CNTNAP5: variants seen among roughly 807,000 people sequenced by gnomAD.
CNTNAP5 encodes the protein contactin-associated protein-like 5.
In CNTNAP5, 72 loss-of-function variants were observed where a neutral mutation model predicts 150.2. The ratio of observed to expected loss-of-function variants is 0.48; its 90% CI spans 0.40 to 0.58. The LOEUF (loss-of-function observed/expected upper bound fraction) is 0.58, where lower values mean the gene tolerates loss of function less well. Among genes scored for constraint, CNTNAP5 ranks in the 20% least tolerant of loss-of-function variants. The probability of loss-of-function intolerance (pLI) is 0.00; values close to 1 mark genes in which losing one functional copy is unlikely to be tolerated. For synonymous variants in CNTNAP5, 672 were observed against 619.8 expected (o/e 1.08, Z -1.25); for missense variants, 1,636 against 1,626.2 (o/e 1.01, Z -0.10).
intron 6 of CNTNAP5, among the ~76,000 whole-genome samples, chr2:124,472,259 C>T (rs1177093711): frequency 6.6e-6 from 1 of 151,730 alleles, no homozygotes; most frequent in East Asian, 1.9e-4. Context: ...TTGAAATAAT[C>T]GTGAATAAAA....
At chr2:124,483,806 T>C (rs184962415) in intron 7 of CNTNAP5, among the ~76,000 whole-genome samples, 1 of 152,342 alleles carries the variant, frequency 6.6e-6, no homozygotes, top group East Asian at 1.9e-4. Flanking sequence ...CTCTCAGAAA[T>C]TACACACCTG....
At chr2:124,169,342 T>A (rs1405811599) in intron 1 of CNTNAP5, among the ~76,000 whole-genome samples, 2 of 152,100 alleles carry the variant, frequency 1.3e-5, no homozygotes, top group African/African-American at 4.8e-5. Context: ...AAAGGACAAA[T>A]GGACAAAAGC....
intron 8 of CNTNAP5, among the ~76,000 whole-genome samples, chr2:124,516,858 TAGAGAGAA>T (rs151166746): frequency 0.035 from 5,373 of 152,274 alleles, 208 homozygotes; most frequent in Admixed American, 0.089. Flanking sequence ...TTGGTGGGGT[TAGAGAGAA>T]AGAGAGAAAG....
chr2:124,563,955 T>C (rs879604572), intron 11 of CNTNAP5, among the ~76,000 whole-genome samples: 6 of 152,134 alleles, frequency 3.9e-5, no homozygotes, highest in African/African-American at 9.7e-5. Flanking sequence ...CCAACCTCAA[T>C]AGGGGCTGAA....
At chr2:124,850,243 T>C (rs1404723974) in intron 19 of CNTNAP5, among the ~76,000 whole-genome samples, 2 of 152,188 alleles carry the variant, frequency 1.3e-5, no homozygotes, top group Non-Finnish European at 2.9e-5. Flanking sequence ...AGGATTTTAT[T>C]TATTTGTAAA....
chr2:124,465,189 T>C (rs1287048261), intron 6 of CNTNAP5, among the ~76,000 whole-genome samples: 2 of 152,188 alleles, frequency 1.3e-5, no homozygotes, highest in African/African-American at 4.8e-5. Flanking sequence ...AAGAGAGTGG[T>C]AGATTCTGGG....
intron 11 of CNTNAP5, among the ~76,000 whole-genome samples, chr2:124,588,344 C>T (rs925955108): frequency 6.6e-6 from 1 of 151,696 alleles, no homozygotes; most frequent in Non-Finnish European, 1.5e-5. Flanking sequence ...CTTCCAGATC[C>T]CTATCCCCAG....
At chr2:124,331,263 C>T (rs574398152) in intron 3 of CNTNAP5, among the ~76,000 whole-genome samples, 4 of 152,062 alleles carry the variant, frequency 2.6e-5, no homozygotes, top group East Asian at 3.9e-4. Context: ...ATAATAATGT[C>T]GCAAATGACA....
chr2:124,812,229 A>C (rs1238830762), intron 19 of CNTNAP5, among the ~76,000 whole-genome samples: 2 of 141,610 alleles, frequency 1.4e-5, no homozygotes, highest in Non-Finnish European at 3.0e-5. Flanking sequence ...ATGGTAAAGC[A>C]CATTTTATTT....
chr2:124,285,587 G>A (rs1287618963), intron 3 of CNTNAP5, among the ~76,000 whole-genome samples: 1 of 151,938 alleles, frequency 6.6e-6, no homozygotes, highest in Non-Finnish European at 1.5e-5. Flanking sequence ...CTAGCTTGAG[G>A]CTAAGGGTTC....
chr2:124,495,698 T>C (rs951966274), intron 7 of CNTNAP5, among the ~76,000 whole-genome samples: 6 of 152,258 alleles, frequency 3.9e-5, no homozygotes, highest in African/African-American at 1.4e-4. Context: ...GAATGTTGCC[T>C]GTCCATAGTA....
chr2:124,471,683 T>C (rs1693518920), intron 6 of CNTNAP5, among the ~76,000 whole-genome samples: 1 of 152,170 alleles, frequency 6.6e-6, no homozygotes, highest in African/African-American at 2.4e-5. Context: ...CCATTCAGTA[T>C]GCTATTGGCT....
rs190418748 is a variant in CNTNAP5 at position 124,534,129 on chromosome 2, T to A, written c.1649+6673T>A. Among the ~76,000 whole-genome samples the A allele has an allele frequency of 2.0e-5, 3 of 152,196 alleles. No homozygotes were observed. The East Asian group carries it at 5.8e-4, about 29-fold the overall frequency. On this transcript the variant is annotated intron_variant, in intron 10 of 23. Coordinates refer to ENST00000682447, the MANE Select transcript of CNTNAP5 (RefSeq NM_001367498.1). ...AGCTAGATAACATGGACATACAGAC[T>A]TAGAGAGTGTGGAATGATAGGCCAT...
At chr2:124,846,775 G>A (rs1473453839) in intron 19 of CNTNAP5, among the ~76,000 whole-genome samples, 1 of 152,232 alleles carries the variant, frequency 6.6e-6, no homozygotes, top group Non-Finnish European at 1.5e-5. Flanking sequence ...CCTTTGATGG[G>A]GTGTTCTCCC....
chr2:124,336,026 C>G (rs1333592593), intron 3 of CNTNAP5, among the ~76,000 whole-genome samples: 1 of 151,864 alleles, frequency 6.6e-6, no homozygotes, highest in Non-Finnish European at 1.5e-5. Flanking sequence ...TAAATAACTC[C>G]CTCCTTATAG....
intron 2 of CNTNAP5, among the ~76,000 whole-genome samples, chr2:124,237,399 T>C (rs1686777196): frequency 6.6e-6 from 1 of 152,188 alleles, no homozygotes; most frequent in African/African-American, 2.4e-5. Context: ...TTTCTACTGG[T>C]TATTCTGCTT....
At chr2:124,281,658 G>A (rs1688014550) in intron 3 of CNTNAP5, among the ~76,000 whole-genome samples, 1 of 152,140 alleles carries the variant, frequency 6.6e-6, no homozygotes, top group Admixed American at 6.6e-5. Context: ...GAGGAAACTT[G>A]GCAAATGTGG....
chr2:124,830,376 TA>T (rs1396943090), intron 19 of CNTNAP5, among the ~76,000 whole-genome samples: 2 of 152,106 alleles, frequency 1.3e-5, no homozygotes, highest in Non-Finnish European at 2.9e-5. Context: ...ATTATCTTAA[TA>T]GAGTGTAAAA....
At chr2:124,714,712 A>G (rs1679909285) in intron 13 of CNTNAP5, among the ~76,000 whole-genome samples, 1 of 151,474 alleles carries the variant, frequency 6.6e-6, no homozygotes, top group Non-Finnish European at 1.5e-5. Context: ...TATACTATAT[A>G]TTGTATAATA....
Sources: gnomAD v4.1 joint callset for allele counts (sites outside exome capture counted in the v4.1 genomes callset) on GRCh38, gnomAD v4.1.1 for gene constraint, MANE v1.5 for transcripts, NCBI Gene and HGNC (gene_info 2026-07-23, HGNC 2026-07-21) for gene names.